The following CFTR variants were observed in gnomAD, a reference collection of about 807,000 sequenced individuals.
CFTR encodes the protein cystic fibrosis transmembrane conductance regulator.
CFTR carries 181 observed loss-of-function variants against 171.6 expected under a neutral mutation model. The ratio of observed to expected loss-of-function variants is 1.05; its 90% CI spans 0.93 to 1.19. CFTR has a LOEUF of 1.19. Among genes scored for constraint, CFTR ranks in the 50% most tolerant of loss-of-function variants. The pLI is 0.00. For synonymous variants in CFTR, 583 were observed against 608.0 expected (o/e 0.96, Z 0.60); for missense variants, 1,968 against 1,734.7 (o/e 1.13, Z -2.39).
intron 21 of CFTR, among the ~76,000 whole-genome samples, chr7:117,625,312 T>C (rs2116123182): frequency 6.6e-6 from 1 of 152,310 alleles, no homozygotes; most frequent in Non-Finnish European, 1.5e-5. Flanking sequence ...GATTGGTACA[T>C]TCCATTTGTC....
chr7:117,556,409 C>G (rs1402535171), intron 10 of CFTR, among the ~76,000 whole-genome samples: 1 of 150,448 alleles, frequency 6.6e-6, no homozygotes, highest in Non-Finnish European at 1.5e-5. Context: ...AACTTGTCTT[C>G]TTTTCCCCTG....
Position 117,626,787 on chromosome 7 carries a change from T to TA in CFTR, c.3469-727dup, listed in dbSNP as rs893847916. ...ATTATTCAGAGATGTATGTTTTTTT[T>TA]AAAAAAAATTGAACACCTTTAAAAA... On this transcript the variant is annotated intron_variant, in intron 21 of 26. Transcript: ENST00000003084. Among the ~76,000 whole-genome samples, 4 of 151,862 alleles carry TA rather than the reference T, an allele frequency of 2.6e-5. No individual in the cohort carries two copies. The East Asian group carries it at 5.8e-4, about 22-fold the overall frequency.
In CFTR at chr7:117,536,549, G is replaced by T. The variant is rs1798959414; in HGVS notation, c.745G>T (p.Asp249Tyr). The change falls in exon 7 of 27, where the codon GAT becomes TAT. Residue 249 changes from aspartate to tyrosine, a missense_variant and splice_region_variant. By Grantham distance (160) the Asp-to-Tyr change is radical. Transcript: ENST00000003084. The stretch of plus-strand genomic sequence containing the variant: ...ATTGATTGATTGATTGATTTACAGA[G>T]ATCAGAGAGCTGGGAAGATCAGTGA... ...GLGRMMMKYR[D>Y]QRAGKISERL... 1 of 1,582,428 alleles carries T rather than the reference G, an allele frequency of 6.3e-7. No homozygotes were observed. Among genetic ancestry groups the T allele is most frequent in the Non-Finnish European group, 8.6e-7 (1 of 1,162,054 alleles).
chr7:117,538,710 A>G (rs1275351496), intron 7 of CFTR, among the ~76,000 whole-genome samples: 1 of 151,578 alleles, frequency 6.6e-6, no homozygotes, highest in Non-Finnish European at 1.5e-5. Context: ...ATAGAGGTAG[A>G]TTCTGTAAAG....
intron 21 of CFTR, among the ~76,000 whole-genome samples, chr7:117,626,836 A>G (rs1035241349): frequency 3.9e-5 from 6 of 152,012 alleles, no homozygotes; most frequent in Non-Finnish European, 7.4e-5. Context: ...TTATTTCTGT[A>G]TGCATTAAAG....
intron 22 of CFTR, among the ~76,000 whole-genome samples, chr7:117,636,673 A>G (rs766989108): frequency 6.6e-6 from 1 of 151,932 alleles, no homozygotes; most frequent in Non-Finnish European, 1.5e-5. Context: ...CAGTCTACCA[A>G]TGAGTCCATC....
Position 117,596,433 on chromosome 7 carries a change from G to A in CFTR, c.2619+1375G>A, listed in dbSNP as rs560516024. The stretch of plus-strand genomic sequence containing the variant: ...TCCTGCGTGGCCCAAGCCTCCTGAC[G>A]AGCACCGCCCCCTGCTCCACGGCAC... On this transcript the variant is annotated intron_variant, in intron 15 of 26. Coordinates refer to ENST00000003084, the MANE Select transcript of CFTR (RefSeq NM_000492.4). 1.3e-3 allele frequency among the ~76,000 whole-genome samples: 191 copies of A among 152,328 alleles called. 1 individual carries two copies. The highest frequency in any genetic ancestry group is 4.5e-3 in the African/African-American group (189 of 41,570).
intron 11 of CFTR, among the ~76,000 whole-genome samples, chr7:117,563,414 G>C (rs1334324256): frequency 1.3e-5 from 2 of 152,072 alleles, no homozygotes; most frequent in African/African-American, 2.4e-5. Context: ...GAGGAATTCT[G>C]GGAAGATAAG....
At chr7:117,632,609 C>T (rs139584768) in intron 22 of CFTR, among the ~76,000 whole-genome samples, 30 of 150,948 alleles carry the variant, frequency 2.0e-4, no homozygotes, top group East Asian at 3.9e-4. Context: ...TGAAAAAGAA[C>T]GCCATTAGGT....
chr7:117,638,693 G>A lies in CFTR; in HGVS notation c.3718-3745G>A, dbSNP rs555104863. Among the ~76,000 whole-genome samples, 57 of 151,270 alleles carry A rather than the reference G, an allele frequency of 3.8e-4. 1 individual carries two copies. The East Asian group carries it at 8.9e-3, about 24-fold the overall frequency. ...GGAGGTTGCAGTGAGCTGAGATCGCGCCACTGCACTCCAGCCTGGGTGACA... is the reference window on the plus strand; with the variant it reads ...GGAGGTTGCAGTGAGCTGAGATCGCACCACTGCACTCCAGCCTGGGTGACA... On this transcript the variant is annotated intron_variant, in intron 22 of 26. Coordinates refer to ENST00000003084, the MANE Select transcript of CFTR (RefSeq NM_000492.4).
chr7:117,600,166 GCA>G (rs1316051065), intron 15 of CFTR, among the ~76,000 whole-genome samples: 1 of 151,838 alleles, frequency 6.6e-6, no homozygotes, highest in Non-Finnish European at 1.5e-5. Flanking sequence ...CAGTTTGTTA[GCA>G]CTTACCATTT....
At chr7:117,510,962 A>G (rs185894452) in intron 3 of CFTR, among the ~76,000 whole-genome samples, 2 of 152,256 alleles carry the variant, frequency 1.3e-5, no homozygotes, top group East Asian at 3.9e-4. Flanking sequence ...AAAGTTACAC[A>G]TATGGTAAGT....
chr7:117,581,346 T>C (rs1171839964), intron 11 of CFTR, among the ~76,000 whole-genome samples: 2 of 152,194 alleles, frequency 1.3e-5, no homozygotes, highest in African/African-American at 4.8e-5. Flanking sequence ...CTTATGATGA[T>C]ATGCTAATAA....
intron 16 of CFTR, among the ~76,000 whole-genome samples, 193 bp downstream of exon 16, chr7:117,603,056 G>A (rs1053111802): frequency 5.3e-5 from 8 of 152,234 alleles, no homozygotes; most frequent in African/African-American, 1.9e-4. Context: ...TGTAGTCCTA[G>A]CTCCTCCACA....
chr7:117,523,462 C>T (rs377204780), intron 3 of CFTR, among the ~76,000 whole-genome samples: 26 of 151,794 alleles, frequency 1.7e-4, no homozygotes, highest in Non-Finnish European at 3.1e-4. Context: ...CTGCAAGCTC[C>T]GCCTCCTGGG....
chr7:117,662,566 C>T lies in CFTR; in HGVS notation c.3964-2122C>T, dbSNP rs34771810. The stretch of plus-strand genomic sequence containing the variant: ...GGGGGCTCCATTTGGATGCCTCATA[C>T]ACCAGGTGAGAGATCTTAGATTTTA... On this transcript the variant is annotated intron_variant, in intron 24 of 26. Transcript: ENST00000003084. Among the ~76,000 whole-genome samples, 524 of 152,288 alleles carry T rather than the reference C, an allele frequency of 3.4e-3. 4 individuals are homozygous for T. Among genetic ancestry groups the T allele is most frequent in the African/African-American group, 0.012 (507 of 41,564 alleles).
intron 11 of CFTR, among the ~76,000 whole-genome samples, chr7:117,563,693 T>G (rs1170604707): frequency 2.0e-5 from 3 of 152,170 alleles, no homozygotes; most frequent in Non-Finnish European, 2.9e-5. Flanking sequence ...AAAGTACTAG[T>G]GGAGGATGCC....
intron 3 of CFTR, among the ~76,000 whole-genome samples, chr7:117,530,197 G>T (rs979444331): frequency 6.6e-6 from 1 of 152,084 alleles, no homozygotes; most frequent in African/African-American, 2.4e-5. Context: ...TCTGGCCTGA[G>T]GTTGAGGCTG....
intron 22 of CFTR, among the ~76,000 whole-genome samples, chr7:117,635,767 T>G (rs1792816969): frequency 6.6e-6 from 1 of 152,114 alleles, no homozygotes; most frequent in Non-Finnish European, 1.5e-5. Flanking sequence ...TCCAGTCTCT[T>G]GTATTATAGC....
Sources: allele counts gnomAD v4.1 joint callset (sites outside exome capture counted in the v4.1 genomes callset), GRCh38; gene constraint gnomAD v4.1.1; transcripts MANE v1.5; gene names NCBI Gene and HGNC (gene_info 2026-07-23, HGNC 2026-07-21).